MAT2A: variants seen among roughly 807,000 people sequenced by gnomAD.
The protein encoded by MAT2A is S-adenosylmethionine synthase isoform type-2.
In MAT2A, 3 loss-of-function variants were observed where a neutral mutation model predicts 43.9. That is an observed-to-expected ratio of 0.07 (90% CI 0.03 to 0.18). MAT2A has a LOEUF of 0.18. MAT2A is among the 10% of genes least tolerant of loss of function. MAT2A has a pLI of 1.00. For synonymous variants in MAT2A, 200 were observed against 168.4 expected, an observed-to-expected ratio of 1.19 and a Z score of -1.45; for missense variants, 204 against 489.0, an observed-to-expected ratio of 0.42 and a Z score of 5.50.
chr2:85,544,488 G>A lies in MAT2A; in HGVS notation c.*716G>A, dbSNP rs1174440135. 1 of 152,606 alleles carries A rather than the reference G, an allele frequency of 6.6e-6. No individual in the cohort carries two copies. Among genetic ancestry groups the A allele is most frequent in the Non-Finnish European group, 1.5e-5 (1 of 68,046 alleles). The allele number at this position is 152,606 out of a possible 1,614,324, so 9.5% of individuals were successfully genotyped here. A position where few individuals can be genotyped will look rare whatever the true frequency, so the allele number is the denominator to read the frequency against. ...TTCAGCTGTCTTTTGGAGGACGTACGTAATAAGGTTTTAATTTAGTAAACC... is the reference window on the plus strand; with the variant it reads ...TTCAGCTGTCTTTTGGAGGACGTACATAATAAGGTTTTAATTTAGTAAACC... On this transcript the variant is annotated 3_prime_UTR_variant, in exon 9 of 9. Coordinates refer to ENST00000306434, the MANE Select transcript of MAT2A (RefSeq NM_005911.6).
intron 8 of MAT2A, 164 bp downstream of exon 8, chr2:85,543,198 T>C (rs1402820759): frequency 1.3e-6 from 1 of 742,518 alleles, no homozygotes; most frequent in Non-Finnish European, 2.1e-6. Flanking sequence ...AAGACTTAGT[T>C]ATTTGAGAAA....
In MAT2A at chr2:85,542,251, G is replaced by A; in HGVS notation, c.646G>A (p.Asp216Asn). 6.2e-7 allele frequency: 1 copy of A among 1,614,112 alleles called. No homozygotes were observed. Among genetic ancestry groups the A allele is most frequent in the Non-Finnish European group, 8.5e-7 (1 of 1,179,994 alleles). ...TCAGCATGATGAAGAGGTTTGTCTT[G>A]ATGAAATGAGGGATGCCCTAAAGGA... ...SVQHDEEVCLDEMRDALKEKV... is the reference protein window; with the variant it reads ...SVQHDEEVCLNEMRDALKEKV... Residue 216 changes from aspartate (D) to asparagine (N), a missense_variant, in exon 6 of 9, where the codon GAT becomes AAT. Asp to Asn is a conservative substitution (Grantham distance 23). Coordinates refer to ENST00000306434, the MANE Select transcript of MAT2A (RefSeq NM_005911.6).
chr2:85,543,631 T>G (rs1179543209), intron 8 of MAT2A, 39 bp from the exon 9 acceptor site: 1 of 1,221,358 alleles, frequency 8.2e-7, no homozygotes, highest in Non-Finnish European at 1.2e-6. Context: ...TTATTTTAAT[T>G]TAATGCTACA....
chr2:85,542,130 T>C (rs751738967), intron 5 of MAT2A, 25 bp from the exon 6 acceptor site: 1 of 1,599,422 alleles, frequency 6.3e-7, no homozygotes, highest in African/African-American at 1.3e-5. Context: ...GGTGTGATGT[T>C]CTGATGACCT....
Position 85,541,100 on chromosome 2 carries a change from A to G in MAT2A, c.109A>G (p.Ile37Val). ...TTTTCCAGATAAGATTTGTGACCAA[A>G]TCAGTGATGCTGTCCTTGATGCCCA... ...EGHPDKICDQISDAVLDAHLQ... is the reference protein window; with the variant it reads ...EGHPDKICDQVSDAVLDAHLQ... The change falls in exon 2 of 9, where the codon ATC becomes GTC. Residue 37 changes from isoleucine (I) to valine (V), a missense_variant. Physicochemically the swap from Ile to Val is conservative, Grantham distance 29 (BLOSUM62 3). Transcript: ENST00000306434. The G allele has an allele frequency of 1.2e-6, 2 of 1,612,734 alleles. No homozygotes were observed. The highest frequency in any genetic ancestry group is 1.7e-6 in the Non-Finnish European group (2 of 1,179,174).
At chr2:85,541,588 G>C (rs769917345) in intron 3 of MAT2A, 45 bp from the exon 4 acceptor site, 20 of 1,446,066 alleles carry the variant, frequency 1.4e-5, no homozygotes, top group Non-Finnish European at 1.9e-5. Flanking sequence ...GTAAACAGCA[G>C]GTATTTCTAG....
intron 1 of MAT2A, among the ~76,000 whole-genome samples, chr2:85,540,379 T>A (rs1205919547): frequency 6.6e-6 from 1 of 152,178 alleles, no homozygotes; most frequent in Non-Finnish European, 1.5e-5. Flanking sequence ...AACTTAGTGG[T>A]ATGAGAGGAC....
Position 85,543,054 on chromosome 2 carries a change from T to C in MAT2A, c.1085+20T>C. The C allele has an allele frequency of 1.2e-6, 2 of 1,609,694 alleles. No homozygotes were observed. Among genetic ancestry groups the C allele is most frequent in the Middle Eastern group, 2.2e-4 (1 of 4,584 alleles). On this transcript the variant is annotated intron_variant, in intron 8 of 8. Transcript: ENST00000306434. ...TGTCAGGTAAAGATGGTAAAGCCTG[T>C]TGCTAGTCAAGTATTGAGGGTGTTG... is the stretch of plus-strand genomic sequence containing the variant.
rs1219576410 is a variant in MAT2A at position 85,543,679 on chromosome 2, T to G, written c.1095T>G (p.Asp365Glu). 6.2e-7 allele frequency: 1 copy of G among 1,606,078 alleles called. No homozygotes were observed. Among genetic ancestry groups the G allele is most frequent in the African/African-American group, 1.3e-5 (1 of 74,900 alleles). The change falls in exon 9 of 9, where the codon GAT becomes GAG. Residue 365 changes from aspartate (D) to glutamate (E), a missense_variant. Asp to Glu is a conservative substitution (Grantham distance 45). Transcript: ENST00000306434. ...GACTTGTATATTCCAGGGATCTGGA[T>G]CTGAAGAAGCCAATTTATCAGAGGA... ...LRPGVIVRDLDLKKPIYQRTA... is the reference protein window; with the variant it reads ...LRPGVIVRDLELKKPIYQRTA...
intron 5 of MAT2A, 43 bp downstream of exon 5, chr2:85,542,015 C>G (rs773907579): frequency 3.1e-6 from 5 of 1,603,722 alleles, no homozygotes; most frequent in Non-Finnish European, 4.3e-6. Flanking sequence ...TTTATTACAT[C>G]AGCACAGAAG....
At chr2:85,540,948 G>C in intron 1 of MAT2A, 135 bp from the exon 2 acceptor site, 1 of 627,610 alleles carries the variant, frequency 1.6e-6, no homozygotes, top group South Asian at 2.1e-5. Context: ...CAAACACAAT[G>C]AATTAAGATG....
rs774891278 is a variant in MAT2A, at chr2:85,539,264, C to T, written c.-24C>T. 53 of 1,576,066 alleles carry T rather than the reference C, an allele frequency of 3.4e-5. No individual in the cohort carries two copies. In the South Asian group the frequency reaches 4.3e-4, roughly 13 times the overall value. On this transcript the variant is annotated 5_prime_UTR_variant, in exon 1 of 9. Coordinates refer to ENST00000306434, the MANE Select transcript of MAT2A (RefSeq NM_005911.6). ...GCCTCGCCGCTGCTCCTTCGTAAGG[C>T]CACTTCCGCACACCGACACCAACAT... is the stretch of plus-strand genomic sequence containing the variant.
chr2:85,544,261 C>T lies in MAT2A; in HGVS notation c.*489C>T, dbSNP rs1476090835. The T allele has an allele frequency of 6.5e-6, 1 of 152,708 alleles. No homozygotes were observed. The highest frequency in any genetic ancestry group is 1.5e-5 in the Non-Finnish European group (1 of 68,128). 9.5% of individuals were successfully genotyped at this position (152,708 alleles called of 1,614,324 possible). A position where few individuals can be genotyped will look rare whatever the true frequency, so the allele number is the denominator to read the frequency against. ...TATGAATGTGAAGCCTTCCCCTTAT[C>T]CTCCCTGTAACTTGATCCATTTCTA... On this transcript the variant is annotated 3_prime_UTR_variant, in exon 9 of 9. Coordinates refer to ENST00000306434, the MANE Select transcript of MAT2A (RefSeq NM_005911.6).
At chr2:85,543,409 GCTTTTTGACAATTGAAATTTCT>G in intron 8 of MAT2A, 2 of 441,938 alleles carry the variant, frequency 4.5e-6, no homozygotes, top group Non-Finnish European at 8.1e-6. Context: ...TCTCAGGTGA[GCTTTTTGACAATTGAAATTTCT>G]CAGAATAATG....
rs2103921838 is a variant in MAT2A at position 85,543,956 on chromosome 2, T to C, written c.*184T>C. 4 of 550,302 alleles carry C rather than the reference T, an allele frequency of 7.3e-6. No homozygotes were observed. The South Asian group carries it at 9.3e-5, about 13-fold the overall frequency. The allele number at this position is 550,302 out of a possible 1,614,324, so 34.1% of individuals were successfully genotyped here. On this transcript the variant is annotated 3_prime_UTR_variant, in exon 9 of 9. Transcript: ENST00000306434. ...GGGGACTGTAAGTTGGGCTTGCTAT[T>C]CTGTCCCTAGGTGTTTTGTTCACCA...
intron 7 of MAT2A, 68 bp downstream of exon 7, chr2:85,542,815 C>T: frequency 1.3e-6 from 2 of 1,529,326 alleles, no homozygotes; most frequent in Non-Finnish European, 1.8e-6. Flanking sequence ...TAGTAATCTA[C>T]TTAACTACTT....
At position 85,541,992 on chromosome 2, in the gene MAT2A, C is replaced by G; in HGVS notation, c.549+20C>G. The G allele has an allele frequency of 1.2e-6, 2 of 1,607,128 alleles. No individual in the cohort carries two copies. The highest frequency in any genetic ancestry group is 2.2e-5 in the South Asian group (2 of 90,768). Reference sequence around the variant, plus strand: ...ACTCAAGTAAGTGATGATCATAAAGCTTGGTTGTCTCATTTATTACATCAG... The same window carrying G: ...ACTCAAGTAAGTGATGATCATAAAGGTTGGTTGTCTCATTTATTACATCAG... On this transcript the variant is annotated intron_variant, in intron 5 of 8. Coordinates refer to ENST00000306434, the MANE Select transcript of MAT2A (RefSeq NM_005911.6).
rs560991019 is a variant in MAT2A, at chr2:85,544,391, A to G, written c.*619A>G. 3.9e-5 allele frequency: 6 copies of G among 152,696 alleles called. No individual in the cohort carries two copies. The highest frequency in any genetic ancestry group is 8.8e-5 in the Non-Finnish European group (6 of 68,058). The allele number at this position is 152,696 out of a possible 1,614,324, so 9.5% of individuals were successfully genotyped here. On this transcript the variant is annotated 3_prime_UTR_variant, in exon 9 of 9. Coordinates refer to ENST00000306434, the MANE Select transcript of MAT2A (RefSeq NM_005911.6). ...CCTGACATCAAAAAAGGCAGTTACCATTAAACCATCTCCCTGGTGCTTATG... is the reference window on the plus strand; with the variant it reads ...CCTGACATCAAAAAAGGCAGTTACCGTTAAACCATCTCCCTGGTGCTTATG...
At position 85,543,372 on chromosome 2, in the gene MAT2A, G is replaced by A. The variant is rs1573309507; in HGVS notation, c.1086-298G>A. ...GTAAAAACCATGGTAGGGTGTGGGC[G>A]GCGGGACCTTGGTAAGTATTGTGTG... On this transcript the variant is annotated intron_variant, in intron 8 of 8. Coordinates refer to ENST00000306434, the MANE Select transcript of MAT2A (RefSeq NM_005911.6). 3 of 417,120 alleles carry A rather than the reference G, an allele frequency of 7.2e-6. No homozygotes were observed. The South Asian group carries it at 1.3e-4, about 18-fold the overall frequency. The allele number at this position is 417,120 out of a possible 1,614,324, so 25.8% of individuals were successfully genotyped here.
Sources: gnomAD v4.1 joint callset for allele counts (sites outside exome capture counted in the v4.1 genomes callset) on GRCh38, gnomAD v4.1.1 for gene constraint, MANE v1.5 for transcripts, NCBI Gene and HGNC (gene_info 2026-07-23, HGNC 2026-07-21) for gene names.